LMF1: variants seen among roughly 807,000 people sequenced by gnomAD.
LMF1 encodes lipase maturation factor 1.
Under a neutral mutation model 60.6 loss-of-function variants are expected in LMF1, and 68 were observed. That is an observed-to-expected ratio of 1.12 (90% confidence interval 0.92 to 1.37). LMF1 has a LOEUF of 1.37. LMF1 is among the 40% of genes most tolerant of loss of function. LMF1 has a pLI of 0.00. For synonymous variants in LMF1, 418 were observed against 324.7 expected, an observed-to-expected ratio of 1.29 and a Z score of -3.09; for missense variants, 948 against 767.2, an observed-to-expected ratio of 1.24 and a Z score of -2.78.
At chr16:938,606 G>C (rs928403536) in intron 2 of LMF1, among the ~76,000 whole-genome samples, 2 of 152,372 alleles carry the variant, frequency 1.3e-5, no homozygotes, top group East Asian at 3.9e-4. Context: ...GTCGCCTGTT[G>C]CCTCTTACTG....
At chr16:919,888 C>T (rs1187367290) in intron 3 of LMF1, among the ~76,000 whole-genome samples, 1 of 152,172 alleles carries the variant, frequency 6.6e-6, no homozygotes, top group Non-Finnish European at 1.5e-5. Flanking sequence ...CCGGGACCCC[C>T]TTCCTCCGAG....
At chr16:971,749 G>A (rs1268668109), upstream of LMF1, among the ~76,000 whole-genome samples, 4 of 152,216 alleles carry the variant, frequency 2.6e-5, no homozygotes, top group African/African-American at 7.2e-5. Flanking sequence ...AAGGGCTGGG[G>A]TCACAGGCAT....
At chr16:976,271 C>T (rs1434185970) in intron 1 of LMF1, 2 of 448,956 alleles carry the variant, frequency 4.5e-6, no homozygotes, top group South Asian at 1.6e-5. Flanking sequence ...GTCCCTGGAT[C>T]TAGGGGATGA....
At chr16:872,547 TAGCCACCTC>T (rs2069829992) in intron 6 of LMF1, 1 of 152,340 alleles carries the variant, frequency 6.6e-6, no homozygotes, top group African/African-American at 2.4e-5. Flanking sequence ...TGGCTGGGGT[TAGCCACCTC>T]TGCCACCAGC....
At chr16:912,537 G>T (rs1456196538) in intron 3 of LMF1, among the ~76,000 whole-genome samples, 1 of 152,222 alleles carries the variant, frequency 6.6e-6, no homozygotes, top group Non-Finnish European at 1.5e-5. Flanking sequence ...ATCGGCGTGA[G>T]TGGAGGCAGC....
At chr16:973,299 C>T (rs753466265), upstream of LMF1, among the ~76,000 whole-genome samples, 5 of 152,208 alleles carry the variant, frequency 3.3e-5, no homozygotes, top group East Asian at 9.7e-4. Context: ...GAGCCTAGAT[C>T]GCGCCACTGC....
intron 3 of LMF1, among the ~76,000 whole-genome samples, chr16:912,036 G>A (rs1318339440): frequency 2.0e-5 from 3 of 152,166 alleles, no homozygotes; most frequent in Non-Finnish European, 4.4e-5. Flanking sequence ...GCTCGCGTCT[G>A]TCAATGGAAG....
chr16:868,363 C>T (rs1035083245), intron 10 of LMF1, among the ~76,000 whole-genome samples: 51 of 152,310 alleles, frequency 3.3e-4, no homozygotes, highest in African/African-American at 1.2e-3. Flanking sequence ...CACCCCAGCT[C>T]CCCTGCGTGG....
chr16:855,719 A>G (rs1394371849), intron 10 of LMF1: 2 of 455,914 alleles, frequency 4.4e-6, no homozygotes, highest in Non-Finnish European at 8.8e-6. Flanking sequence ...CAGCCATAAC[A>G]GGACCCTCTC....
Position 948,695 on chromosome 16 carries a change from G to A in LMF1, c.503+5662C>T, listed in dbSNP as rs2072325925. On this transcript the variant is annotated intron_variant, in intron 2 of 10. Coordinates refer to ENST00000262301, the MANE Select transcript of LMF1 (RefSeq NM_022773.4). Reference sequence around the variant, plus strand: ...AGAGACAATGACAGAGTCAGCCAACGACAGAATCAGAGACAACGACAGAGT... The same window carrying A: ...AGAGACAATGACAGAGTCAGCCAACAACAGAATCAGAGACAACGACAGAGT... Among the ~76,000 whole-genome samples, 2 of 129,602 alleles carry A rather than the reference G, an allele frequency of 1.5e-5. 1 individual carries two copies. The highest frequency in any genetic ancestry group is 3.2e-5 in the Non-Finnish European group (2 of 62,812). 85.0% of individuals were successfully genotyped at this position (129,602 alleles called of 152,430 possible).
At chr16:877,066 G>A (rs879828181) in intron 6 of LMF1, among the ~76,000 whole-genome samples, 35 of 152,236 alleles carry the variant, frequency 2.3e-4, no homozygotes, top group South Asian at 4.1e-4. Context: ...GAGGCCGGGC[G>A]CACACCTGCA....
chr16:925,987 G>A (rs377210400), intron 3 of LMF1, among the ~76,000 whole-genome samples: 99 of 151,836 alleles, frequency 6.5e-4, no homozygotes, highest in Admixed American at 2.2e-3. Context: ...ATCTGCATAC[G>A]TGTCTGTATG....
intron 3 of LMF1, among the ~76,000 whole-genome samples, chr16:929,649 CGGAATTCAT>C (rs569043050): frequency 3.2e-4 from 48 of 152,356 alleles, no homozygotes; most frequent in African/African-American, 8.9e-4. Flanking sequence ...TTCGGGGCTG[CGGAATTCAT>C]TACCGTCAGG....
intron 2 of LMF1, among the ~76,000 whole-genome samples, chr16:935,460 G>A (rs2071912644): frequency 6.6e-6 from 1 of 151,670 alleles, no homozygotes; most frequent in South Asian, 2.1e-4. Context: ...TACACTTTAT[G>A]TCAGGGTTGT....
intron 1 of LMF1, among the ~76,000 whole-genome samples, chr16:964,504 G>A (rs1179881424): frequency 6.6e-6 from 1 of 152,162 alleles, no homozygotes; most frequent in Non-Finnish European, 1.5e-5. Context: ...CCGAAGTAGG[G>A]CAGTGCTGTT....
At chr16:966,941 T>C (rs918352634) in intron 1 of LMF1, among the ~76,000 whole-genome samples, 1 of 152,264 alleles carries the variant, frequency 6.6e-6, no homozygotes, top group African/African-American at 2.4e-5. Context: ...TTAAAATGCA[T>C]TGTGTACATA....
chr16:915,867 G>C (rs529812376), intron 3 of LMF1, among the ~76,000 whole-genome samples: 1 of 152,052 alleles, frequency 6.6e-6, no homozygotes, highest in East Asian at 1.9e-4. Flanking sequence ...CGTGGGACGC[G>C]GGGGCCGGAG....
intron 5 of LMF1, among the ~76,000 whole-genome samples, chr16:886,428 G>T (rs2070308419): frequency 6.6e-6 from 1 of 152,106 alleles, no homozygotes; most frequent in African/African-American, 2.4e-5. Context: ...CGCCCAGTGG[G>T]CTGCTCTGCT....
intron 4 of LMF1, among the ~76,000 whole-genome samples, chr16:909,446 G>A (rs12927254): frequency 0.089 from 13,540 of 152,046 alleles, 753 homozygotes; most frequent in African/African-American, 0.14. Context: ...ACAGAACCAC[G>A]CTATGCGCTA....
Sources: allele counts gnomAD v4.1 joint callset (sites outside exome capture counted in the v4.1 genomes callset), GRCh38; gene constraint gnomAD v4.1.1; transcripts MANE v1.5; gene names NCBI Gene and HGNC (gene_info 2026-07-23, HGNC 2026-07-21).